The following KPNA3 variants were observed in gnomAD, a reference collection of about 807,000 sequenced individuals.
The protein encoded by KPNA3 is karyopherin subunit alpha 3, also known as importin subunit alpha-4.
In KPNA3, 13 loss-of-function variants were observed where a neutral mutation model predicts 73.8. The observed-to-expected ratio is 0.18, with a 90% CI of 0.11 to 0.28. The LOEUF (loss-of-function observed/expected upper bound fraction) is 0.28, where lower values mean the gene tolerates loss of function less well. KPNA3 is among the 10% of genes least tolerant of loss of function. The pLI, the probability that KPNA3 is intolerant of heterozygous loss-of-function variation, is 1.00. For synonymous variants in KPNA3, 186 were observed against 206.9 expected (o/e 0.90, Z 0.87); for missense variants, 360 against 618.1 (o/e 0.58, Z 4.43).
At chr13:49,707,988 T>A (rs1954223556) in intron 12 of KPNA3, among the ~76,000 whole-genome samples, 1 of 128,872 alleles carries the variant, frequency 7.8e-6, no homozygotes, top group Non-Finnish European at 1.6e-5. Flanking sequence ...TTATTTCTTT[T>A]TCTTTTTTCC....
At chr13:49,754,761 C>T (rs1185948978) in intron 1 of KPNA3, among the ~76,000 whole-genome samples, 4 of 151,994 alleles carry the variant, frequency 2.6e-5, no homozygotes, top group Non-Finnish European at 4.4e-5. Context: ...ACTCTACACA[C>T]ACAAATTTGA....
chr13:49,719,403 T>C (rs1411147369), intron 10 of KPNA3, among the ~76,000 whole-genome samples: 1 of 152,148 alleles, frequency 6.6e-6, no homozygotes, highest in Non-Finnish European at 1.5e-5. Flanking sequence ...CCGTTTCTTC[T>C]TATTCTATAA....
At chr13:49,775,470 T>C (rs1474174452) in intron 1 of KPNA3, among the ~76,000 whole-genome samples, 1 of 152,178 alleles carries the variant, frequency 6.6e-6, no homozygotes. Context: ...TGGGTCACTG[T>C]GACAAACTAG....
chr13:49,780,719 CTTTTTTT>C (rs11352434), intron 1 of KPNA3, among the ~76,000 whole-genome samples: 1 of 130,470 alleles, frequency 7.7e-6, no homozygotes, highest in Non-Finnish European at 1.6e-5. Flanking sequence ...AAAAATATTT[CTTTTTTT>C]TTTTTTTTTT....
chr13:49,738,739 T>C (rs1215594809), intron 2 of KPNA3, among the ~76,000 whole-genome samples: 1 of 152,242 alleles, frequency 6.6e-6, no homozygotes, highest in African/African-American at 2.4e-5. Context: ...GATAGATTCC[T>C]TGGGATGTTC....
intron 12 of KPNA3, 132 bp downstream of exon 12, chr13:49,709,440 G>A (rs1954239281): frequency 3.0e-6 from 2 of 674,552 alleles, no homozygotes; most frequent in Non-Finnish European, 4.6e-6. Context: ...ATTTGCAGAG[G>A]TGATTTAAAA....
chr13:49,730,533 A>AAAAAAAAAAAAAAAG (rs1954454710), intron 6 of KPNA3, among the ~76,000 whole-genome samples: 1 of 120,280 alleles, frequency 8.3e-6, no homozygotes. Context: ...AAAAAAAAAA[A>AAAAAAAAAAAAAAAG]AAAAAAAAAA....
chr13:49,728,281 C>T (rs1954430494), intron 6 of KPNA3, among the ~76,000 whole-genome samples: 1 of 151,058 alleles, frequency 6.6e-6, no homozygotes, highest in Non-Finnish European at 1.5e-5. Flanking sequence ...ATGAAATCCA[C>T]AGCGGCAAAC....
intron 1 of KPNA3, among the ~76,000 whole-genome samples, chr13:49,761,622 C>G (rs1594454476): frequency 6.7e-6 from 1 of 149,200 alleles, no homozygotes. Context: ...GCCTTGGCCT[C>G]CCAAAGTGCC....
intron 1 of KPNA3, among the ~76,000 whole-genome samples, chr13:49,773,120 A>G (rs1954868688): frequency 6.6e-6 from 1 of 152,226 alleles, no homozygotes; most frequent in Admixed American, 6.5e-5. Flanking sequence ...ACACAAAAGG[A>G]GTATGTATTG....
intron 1 of KPNA3, among the ~76,000 whole-genome samples, chr13:49,756,899 A>C (rs1954716443): frequency 1.3e-5 from 2 of 152,240 alleles, no homozygotes; most frequent in African/African-American, 4.8e-5. Flanking sequence ...ATAAGCCTAC[A>C]CAAATATATC....
chr13:49,707,165 A>T (rs1294569477), intron 12 of KPNA3, among the ~76,000 whole-genome samples: 4 of 152,230 alleles, frequency 2.6e-5, no homozygotes, highest in Non-Finnish European at 5.9e-5. Flanking sequence ...TTCCATAAAA[A>T]TTAACCATCT....
intron 1 of KPNA3, among the ~76,000 whole-genome samples, chr13:49,758,759 C>A (rs1415459572): frequency 6.6e-6 from 1 of 151,708 alleles, no homozygotes; most frequent in Admixed American, 6.6e-5. Flanking sequence ...AATATACACA[C>A]ACACATATGT....
intron 1 of KPNA3, among the ~76,000 whole-genome samples, chr13:49,762,297 T>C (rs936154281): frequency 6.0e-5 from 9 of 149,676 alleles, no homozygotes; most frequent in African/African-American, 2.2e-4. Context: ...GGGGGGTGCC[T>C]CTGCCCAGCC....
At chr13:49,792,193 G>A (rs1286309819) in intron 1 of KPNA3, among the ~76,000 whole-genome samples, 2 of 151,904 alleles carry the variant, frequency 1.3e-5, no homozygotes, top group African/African-American at 4.8e-5. Flanking sequence ...GGCCGCGCCC[G>A]CGTGACGGGG....
intron 1 of KPNA3, among the ~76,000 whole-genome samples, chr13:49,762,246 G>C (rs1007825594): frequency 3.5e-5 from 5 of 144,728 alleles, no homozygotes; most frequent in South Asian, 2.2e-4. Context: ...GGAGGGAGGA[G>C]GGGGGGCGCC....
chr13:49,730,750 C>T (rs1404805244), intron 6 of KPNA3, among the ~76,000 whole-genome samples: 5 of 137,994 alleles, frequency 3.6e-5, no homozygotes, highest in Admixed American at 7.3e-5. Context: ...GGTATATCTC[C>T]TAATGCTATC....
chr13:49,782,010 T>C (rs1027906529), intron 1 of KPNA3, among the ~76,000 whole-genome samples: 2 of 152,228 alleles, frequency 1.3e-5, no homozygotes, highest in African/African-American at 4.8e-5. Context: ...ACAGTACTTC[T>C]GTCAAGATGA....
intron 1 of KPNA3, among the ~76,000 whole-genome samples, chr13:49,763,019 C>G (rs548103522): frequency 6.6e-6 from 1 of 151,618 alleles, no homozygotes; most frequent in East Asian, 1.9e-4. Context: ...AGGTAGCTGC[C>G]TATTTCATAC....
Sources: gnomAD v4.1 joint callset for allele counts (sites outside exome capture counted in the v4.1 genomes callset) on GRCh38, gnomAD v4.1.1 for gene constraint, MANE v1.5 for transcripts, NCBI Gene and HGNC (gene_info 2026-07-23, HGNC 2026-07-21) for gene names.